NOL11: variants seen among roughly 807,000 people sequenced by gnomAD.
NOL11 encodes nucleolar protein 11.
Under a neutral mutation model 93.0 loss-of-function variants are expected in NOL11, and 42 were observed. The observed-to-expected ratio is 0.45, with a 90% CI of 0.35 to 0.58. The LOEUF (loss-of-function observed/expected upper bound fraction) is 0.58, where lower values mean the gene tolerates loss of function less well. NOL11 is among the 20% of genes least tolerant of loss of function. NOL11 has a pLI of 0.00. For synonymous variants in NOL11, 296 were observed against 293.7 expected (o/e 1.01, Z -0.08); for missense variants, 775 against 841.8 (o/e 0.92, Z 0.98).
intron 13 of NOL11, 22 bp downstream of exon 13, chr17:67,737,994 CT>C: frequency 6.3e-7 from 1 of 1,585,366 alleles, no homozygotes; most frequent in Non-Finnish European, 8.5e-7. Flanking sequence ...TCCAATGGTC[CT>C]TTTTCTTCAC....
chr17:67,735,981 T>C lies in NOL11; in HGVS notation c.1012T>C (p.Leu338=). 1 of 1,611,334 alleles carries C rather than the reference T, an allele frequency of 6.2e-7. No homozygotes were observed. Among genetic ancestry groups the C allele is most frequent in the Non-Finnish European group, 8.5e-7 (1 of 1,178,576 alleles). ...TCCATACAAGTGTGAAGTGTCATCA[T>C]TAGCAGGTGCTCTTGGAAAACTCAA... ...VIPYKCEVSS[L]AGALGKLKHS... Residue 338 remains leucine, a synonymous_variant, in exon 9 of 18, where the codon TTA becomes CTA. Coordinates refer to ENST00000253247, the MANE Select transcript of NOL11 (RefSeq NM_015462.5).
At position 67,743,559 on chromosome 17, in the gene NOL11, A is replaced by G; in HGVS notation, c.2016A>G (p.Ile672Met). ...TGCCAGAAGCAAAGAGGCTACTGAT[A>G]AATCTTTACAAGCTTGTAAAATCTC... is the stretch of plus-strand genomic sequence containing the variant. ...VMMPEAKRLL[I>M]NLYKLVKSQI... Residue 672 changes from isoleucine (I) to methionine (M), a missense_variant, in exon 17 of 18, where the codon ATA (isoleucine) becomes ATG (methionine). This residue lies in a region of NOL11 where 416 missense variants were observed against 525.2 expected (regional missense o/e 0.79). Transcript: ENST00000253247. 2.5e-6 allele frequency: 4 copies of G among 1,603,114 alleles called. No individual in the cohort carries two copies. Among genetic ancestry groups the G allele is most frequent in the South Asian group, 1.1e-5 (1 of 89,714 alleles).
intron 8 of NOL11, among the ~76,000 whole-genome samples, chr17:67,734,641 T>C (rs776214025): frequency 6.6e-6 from 1 of 152,206 alleles, no homozygotes; most frequent in Non-Finnish European, 1.5e-5. Flanking sequence ...TGAACCTAAA[T>C]ATTTTGGCAG....
Position 67,741,335 on chromosome 17 carries a change from G to A in NOL11, c.1935+1727G>A, listed in dbSNP as rs2055255037. Among the ~76,000 whole-genome samples, 3 of 152,012 alleles carry A rather than the reference G, an allele frequency of 2.0e-5. No homozygotes were observed. In the South Asian group the frequency reaches 6.2e-4, roughly 32 times the overall value. On this transcript the variant is annotated intron_variant, in intron 16 of 17. Transcript: ENST00000253247. ...TCTACCCATCTCAGCCTCCCAAAGT[G>A]CTAGGATTACAGGTGTAAGCTACCG...
At chr17:67,737,401 G>T in intron 11 of NOL11, 107 bp from the exon 12 acceptor site, 2 of 921,480 alleles carry the variant, frequency 2.2e-6, no homozygotes, top group Non-Finnish European at 3.3e-6. Context: ...TTGCAGGAAT[G>T]CATGATAACT....
chr17:67,738,717 C>A, intron 14 of NOL11: 1 of 496,528 alleles, frequency 2.0e-6, no homozygotes, highest in Non-Finnish European at 3.5e-6. Context: ...AACACAGAAG[C>A]TCTATCAATT....
At chr17:67,730,153 C>T (rs1466802676) in intron 7 of NOL11, among the ~76,000 whole-genome samples, 1 of 152,182 alleles carries the variant, frequency 6.6e-6, no homozygotes, top group Non-Finnish European at 1.5e-5. Context: ...TCTGTTCATC[C>T]ATTCATGGAT....
In NOL11 at chr17:67,743,959, G is replaced by A. The variant is rs2055278732; in HGVS notation, c.*100G>A. 1.6e-6 allele frequency: 1 copy of A among 643,112 alleles called. No homozygotes were observed. The highest frequency in any genetic ancestry group is 2.7e-6 in the Non-Finnish European group (1 of 372,738). The allele number at this position is 643,112 out of a possible 1,614,324, so 39.8% of individuals were successfully genotyped here. On this transcript the variant is annotated 3_prime_UTR_variant, in exon 18 of 18. Transcript: ENST00000253247. ...GTGTTTTGTTTGCGACCATCTCAGTGTCAAGAGAAACGTGTCAGTGAGTAC... is the reference window on the plus strand; with the variant it reads ...GTGTTTTGTTTGCGACCATCTCAGTATCAAGAGAAACGTGTCAGTGAGTAC...
Position 67,736,843 on chromosome 17 carries a change from A to G in NOL11, c.1143+89A>G, listed in dbSNP as rs7223990. On this transcript the variant is annotated intron_variant, in intron 10 of 17. Coordinates refer to ENST00000253247, the MANE Select transcript of NOL11 (RefSeq NM_015462.5). The stretch of plus-strand genomic sequence containing the variant: ...TATTTTAATGAATCATATCCTTACA[A>G]CTCTTAGAGCTTTGACTATAATGAC... 823,563 of 974,906 alleles carry G rather than the reference A, an allele frequency of 0.84. 350,826 individuals are homozygous for G. Among genetic ancestry groups the G allele is most frequent in the Non-Finnish European group, 0.88 (556,412 of 635,638 alleles). The allele number at this position is 974,906 out of a possible 1,614,324, so 60.4% of individuals were successfully genotyped here. A position where few individuals can be genotyped will look rare whatever the true frequency, so the allele number is the denominator to read the frequency against.
chr17:67,737,758 ATC>A, intron 12 of NOL11, 66 bp downstream of exon 12: 1 of 1,581,572 alleles, frequency 6.3e-7, no homozygotes. Context: ...TATAGTTCTA[ATC>A]TTCTGAAACT....
At chr17:67,723,877 G>T (rs1056616197) in intron 5 of NOL11, among the ~76,000 whole-genome samples, 172 bp from the exon 6 acceptor site, 2 of 152,146 alleles carry the variant, frequency 1.3e-5, no homozygotes, top group Non-Finnish European at 2.9e-5. Context: ...CGGTAGCCCA[G>T]CCTGGGCCAC....
At chr17:67,726,730 T>A in intron 7 of NOL11, 82 bp downstream of exon 7, 1 of 1,125,546 alleles carries the variant, frequency 8.9e-7, no homozygotes, top group Non-Finnish European at 1.2e-6. Context: ...TCTTTTTCAT[T>A]TCGTTATTAC....
Position 67,743,732 on chromosome 17 carries a change from C to G in NOL11, c.2044-11C>G, listed in dbSNP as rs1442666578. The G allele has an allele frequency of 1.4e-6, 2 of 1,433,538 alleles. No individual in the cohort carries two copies. The highest frequency in any genetic ancestry group is 1.9e-6 in the Non-Finnish European group (2 of 1,056,902). The allele number at this position is 1,433,538 out of a possible 1,614,324, so 88.8% of individuals were successfully genotyped here. A position where few individuals can be genotyped will look rare whatever the true frequency, so the allele number is the denominator to read the frequency against. On this transcript the variant is annotated splice_polypyrimidine_tract_variant and intron_variant, in intron 17 of 17. Coordinates refer to ENST00000253247, the MANE Select transcript of NOL11 (RefSeq NM_015462.5). ...TTATGGTAAAAGTTACTCTGAAACT[C>G]TTTTCTTTAGATATCTGTTTATTCT...
At position 67,718,098 on chromosome 17, in the gene NOL11, A is replaced by G. The variant is rs200171119; in HGVS notation, c.141+10A>G. 2.4e-5 allele frequency: 39 copies of G among 1,612,838 alleles called. No homozygotes were observed. The highest frequency in any genetic ancestry group is 8.4e-5 in the Admixed American group (5 of 59,828). ...AGTCATCCTCTATAAGGTGAAGGCA[A>G]TAGGTTTGGGAGCGCCCCGACTGCC... On this transcript the variant is annotated intron_variant, in intron 1 of 17. Transcript: ENST00000253247.
Position 67,718,036 on chromosome 17 carries a change from A to G in NOL11, c.89A>G (p.Lys30Arg), listed in dbSNP as rs756402300. 7 of 1,614,204 alleles carry G rather than the reference A, an allele frequency of 4.3e-6. No homozygotes were observed. Among genetic ancestry groups the G allele is most frequent in the East Asian group, 4.5e-5 (2 of 44,882 alleles). The change falls in exon 1 of 18, where the codon AAA (lysine) becomes AGA (arginine). Residue 30 changes from lysine (K) to arginine (R), a missense_variant. By Grantham distance (26) the Lys-to-Arg change is conservative. Around this residue, in one of 2 missense-constraint regions of NOL11, gnomAD observed 359 missense variants for 316.5 expected, o/e 1.13. Transcript: ENST00000253247. ...EGLLGVEQSD[K>R]TDQFLVTDSG... The stretch of plus-strand genomic sequence containing the variant: ...CTCCTAGGCGTGGAGCAGAGCGACA[A>G]AACAGACCAGTTTCTAGTGACAGAC...
Position 67,722,452 on chromosome 17 carries a change from A to G in NOL11, c.462-128A>G, listed in dbSNP as rs1007196653. The G allele has an allele frequency of 2.5e-5, 35 of 1,386,602 alleles. No individual in the cohort carries two copies. The African/African-American group carries it at 2.9e-4, about 11-fold the overall frequency. The allele number at this position is 1,386,602 out of a possible 1,614,324, so 85.9% of individuals were successfully genotyped here. ...GTATATGTTTCAAAACGCCCAATTA[A>G]GTGTTCTCTGATGTCTTTCTGGTTC... On this transcript the variant is annotated intron_variant, in intron 4 of 17. Coordinates refer to ENST00000253247, the MANE Select transcript of NOL11 (RefSeq NM_015462.5).
intron 16 of NOL11, among the ~76,000 whole-genome samples, chr17:67,741,413 A>T (rs913548411): frequency 4.6e-5 from 7 of 151,418 alleles, no homozygotes; most frequent in African/African-American, 1.7e-4. Context: ...AGAGACAGGG[A>T]CTCCCTGTGT....
At chr17:67,724,530 C>T (rs960435795) in intron 6 of NOL11, among the ~76,000 whole-genome samples, 4 of 151,984 alleles carry the variant, frequency 2.6e-5, no homozygotes, top group Non-Finnish European at 5.9e-5. Flanking sequence ...GACGGTTTCG[C>T]CATGTTGGTC....
At position 67,726,611 on chromosome 17, in the gene NOL11, C is replaced by T. The variant is rs772604267; in HGVS notation, c.816C>T (p.His272=). The T allele has an allele frequency of 4.0e-5, 64 of 1,613,214 alleles. No homozygotes were observed. The highest frequency in any genetic ancestry group is 3.3e-4 in the Middle Eastern group (2 of 6,062). Residue 272 remains histidine, a synonymous_variant, in exon 7 of 18, where the codon CAC becomes CAT. Coordinates refer to ENST00000253247, the MANE Select transcript of NOL11 (RefSeq NM_015462.5). ...GVALTALDQD[H]VAVLGSPLAA... is the part of the protein sequence containing the mutation. ...CACTCACTGCCCTGGATCAGGATCA[C>T]GTCGCAGTCCTAGGAAGTCCACTAG...
Sources: gnomAD v4.1 joint callset for allele counts (sites outside exome capture counted in the v4.1 genomes callset) on GRCh38, gnomAD v4.1.1 for gene constraint, gnomAD v4.1.1 regional missense constraint, MANE v1.5 for transcripts, NCBI Gene and HGNC (gene_info 2026-07-23, HGNC 2026-07-21) for gene names.